The following PRR5L variants were observed in gnomAD, a reference collection of about 807,000 sequenced individuals.
PRR5L encodes proline rich 5 like, also known as proline-rich protein 5-like.
A neutral mutation model predicts 36.4 loss-of-function variants in PRR5L; 21 were observed. The observed-to-expected ratio is 0.58, with a 90% CI of 0.41 to 0.83. The LOEUF (loss-of-function observed/expected upper bound fraction) is 0.83, where lower values mean the gene tolerates loss of function less well. Ranked by LOEUF, PRR5L falls within the 40% of genes least tolerant of loss-of-function variation. The pLI, the probability that PRR5L is intolerant of heterozygous loss-of-function variation, is 0.00. For synonymous variants in PRR5L, 188 were observed against 197.0 expected (o/e 0.95, Z 0.38); for missense variants, 381 against 473.3 (o/e 0.80, Z 1.81).
intron 3 of PRR5L, 87 bp from the exon 4 acceptor site, chr11:36,419,168 A>C (rs373420309): frequency 1.6e-6 from 2 of 1,250,080 alleles, no homozygotes; most frequent in Non-Finnish European, 2.4e-6. Flanking sequence ...ACCTGGCCCC[A>C]CCCCGTGCCA....
chr11:36,316,606 A>AGCCAGATTACCGGTCT (rs1856560212), intron 1 of PRR5L, among the ~76,000 whole-genome samples: 1 of 152,034 alleles, frequency 6.6e-6, no homozygotes, highest in Admixed American at 6.5e-5. Context: ...GAACTGGTTG[A>AGCCAGATTACCGGTCT]GCCAGATTAC....
intron 1 of PRR5L, among the ~76,000 whole-genome samples, chr11:36,366,135 T>G (rs1459263170): frequency 6.6e-6 from 1 of 152,322 alleles, no homozygotes; most frequent in Non-Finnish European, 1.5e-5. Context: ...GAAATAAAAC[T>G]GTATAATTTG....
chr11:36,332,822 G>A (rs911458366), intron 1 of PRR5L, among the ~76,000 whole-genome samples: 6 of 152,174 alleles, frequency 3.9e-5, no homozygotes, highest in African/African-American at 1.4e-4. Context: ...ACAATGAGTG[G>A]AAGCTTGCTG....
At chr11:36,394,643 A>AT (rs1857620857) in intron 1 of PRR5L, among the ~76,000 whole-genome samples, 1 of 151,990 alleles carries the variant, frequency 6.6e-6, no homozygotes, top group Non-Finnish European at 1.5e-5. Flanking sequence ...GTCTGTCTCC[A>AT]TATCACCTTC....
chr11:36,329,804 T>G (rs1856700703), intron 1 of PRR5L, among the ~76,000 whole-genome samples: 1 of 152,192 alleles, frequency 6.6e-6, no homozygotes, highest in Non-Finnish European at 1.5e-5. Flanking sequence ...AATTCCTATC[T>G]TCTTGAGGTC....
intron 1 of PRR5L, among the ~76,000 whole-genome samples, chr11:36,357,064 A>G (rs970888450): frequency 6.6e-6 from 1 of 152,216 alleles, no homozygotes; most frequent in African/African-American, 2.4e-5. Context: ...AGTGAACTCA[A>G]TAATAATAAG....
chr11:36,426,238 G>C (rs1337199193), intron 4 of PRR5L: 2 of 152,246 alleles, frequency 1.3e-5, no homozygotes, highest in African/African-American at 2.4e-5. Context: ...AAAAGCACCA[G>C]CCCTTCTGCC....
rs73443191 is a variant in PRR5L at position 36,364,445 on chromosome 11, G to A, written c.-125-36552G>A. ...TCCTGACTCCACCACTTAATTAGAG[G>A]TTAAGTCACCTCACCCCTCTGCTCT... On this transcript the variant is annotated intron_variant, in intron 1 of 8. Transcript: ENST00000530639. Among the ~76,000 whole-genome samples, 910 of 152,134 alleles carry A rather than the reference G, an allele frequency of 6.0e-3. 8 individuals carry two copies. Among genetic ancestry groups the A allele is most frequent in the African/African-American group, 0.021 (871 of 41,504 alleles).
intron 1 of PRR5L, among the ~76,000 whole-genome samples, chr11:36,383,695 C>CTTTTT (rs34900545): frequency 9.2e-6 from 1 of 109,258 alleles, no homozygotes; most frequent in Non-Finnish European, 1.9e-5. Flanking sequence ...CTTTCTTTTC[C>CTTTTT]TTTTTTTTTT....
intron 1 of PRR5L, among the ~76,000 whole-genome samples, chr11:36,297,730 G>A (rs1024200694): frequency 5.3e-5 from 8 of 152,130 alleles, no homozygotes; most frequent in African/African-American, 1.9e-4. Flanking sequence ...CCAGTCCCAG[G>A]GAATCAGCCA....
rs568144150 is a variant in PRR5L, at chr11:36,376,233, G to A, written c.-125-24764G>A. The stretch of plus-strand genomic sequence containing the variant: ...TGAAGGGGAGGAGGAGTGAGATGGG[G>A]TGAAGTGAGTTGGGGGACATTGGAG... On this transcript the variant is annotated intron_variant, in intron 1 of 8. Coordinates refer to ENST00000530639, the MANE Select transcript of PRR5L (RefSeq NM_001160167.2). 17 of 1,272,808 alleles carry A rather than the reference G, an allele frequency of 1.3e-5. No individual in the cohort carries two copies. The African/African-American group carries it at 2.3e-4, about 17-fold the overall frequency. 78.8% of individuals were successfully genotyped at this position (1,272,808 alleles called of 1,614,324 possible). A position where few individuals can be genotyped will look rare whatever the true frequency, so the allele number is the denominator to read the frequency against.
intron 1 of PRR5L, among the ~76,000 whole-genome samples, chr11:36,346,366 G>A (rs1232755762): frequency 1.3e-5 from 2 of 152,106 alleles, no homozygotes; most frequent in African/African-American, 2.4e-5. Context: ...GGTGGATCAC[G>A]AGGTCAGGAG....
At chr11:36,437,016 T>C (rs1270414021) in intron 5 of PRR5L, among the ~76,000 whole-genome samples, 2 of 152,212 alleles carry the variant, frequency 1.3e-5, no homozygotes, top group African/African-American at 4.8e-5. Context: ...TAAAACCTTG[T>C]AGATCAAATG....
chr11:36,430,370 C>G lies in PRR5L; in HGVS notation c.295-1483C>G, dbSNP rs141416001. 5.7e-3 allele frequency among the ~76,000 whole-genome samples: 871 copies of G among 152,306 alleles called. 4 individuals are homozygous for G. The highest frequency in any genetic ancestry group is 0.017 in the African/African-American group (695 of 41,562). On this transcript the variant is annotated intron_variant, in intron 4 of 8. Coordinates refer to ENST00000530639, the MANE Select transcript of PRR5L (RefSeq NM_001160167.2). ...GAGGTTGCAGTGAGCCAAGATCCCA[C>G]TACTGCACTCCAGCCTGGGTGACAG...
In PRR5L at chr11:36,403,355, C is replaced by G. The variant is rs80178459; in HGVS notation, c.222C>G (p.Leu74=). 26,842 of 1,613,910 alleles carry G rather than the reference C, an allele frequency of 0.017. 271 individuals carry two copies. Among genetic ancestry groups the G allele is most frequent in the Non-Finnish European group, 0.018 (21,630 of 1,179,894 alleles). The change falls in exon 3 of 9, where the codon CTC becomes CTG. Residue 74 remains leucine (L), a synonymous_variant. Coordinates refer to ENST00000530639, the MANE Select transcript of PRR5L (RefSeq NM_001160167.2). ...GGGGTGGCTTGCAAAGCAACGAGCT[C>G]TATGCCCTGAACGAAAACATCAGGT... ...FKGGGLQSNE[L]YALNENIRRL...
intron 1 of PRR5L, among the ~76,000 whole-genome samples, chr11:36,337,584 T>G (rs1856780798): frequency 6.6e-6 from 1 of 152,240 alleles, no homozygotes. Context: ...CCAAACAGGT[T>G]TCAGCACATG....
At chr11:36,305,654 T>G (rs1856422737) in intron 1 of PRR5L, among the ~76,000 whole-genome samples, 1 of 152,122 alleles carries the variant, frequency 6.6e-6, no homozygotes, top group Non-Finnish European at 1.5e-5. Context: ...CTGAATGAGA[T>G]TTTTGCCATT....
intron 1 of PRR5L, among the ~76,000 whole-genome samples, chr11:36,361,023 C>A (rs903264445): frequency 2.0e-5 from 3 of 152,220 alleles, no homozygotes; most frequent in Non-Finnish European, 2.9e-5. Context: ...TGCTTTATAA[C>A]TTTTGGACAA....
At chr11:36,316,747 A>C (rs570244271) in intron 1 of PRR5L, among the ~76,000 whole-genome samples, 1 of 152,256 alleles carries the variant, frequency 6.6e-6, no homozygotes, top group African/African-American at 2.4e-5. Context: ...TTGCATCCAG[A>C]GGCTGCATGA....
Sources: gnomAD v4.1 joint callset for allele counts (sites outside exome capture counted in the v4.1 genomes callset) on GRCh38, gnomAD v4.1.1 for gene constraint, MANE v1.5 for transcripts, NCBI Gene and HGNC (gene_info 2026-07-23, HGNC 2026-07-21) for gene names.